FABP7: variants seen among roughly 807,000 people sequenced by gnomAD.
FABP7 encodes fatty acid-binding protein, brain.
A neutral mutation model predicts 14.2 loss-of-function variants in FABP7; 13 were observed. That is an observed-to-expected ratio of 0.91 (90% CI 0.59 to 1.45). The LOEUF is 1.45. Ranked by LOEUF, FABP7 falls within the 40% of genes most tolerant of loss-of-function variation. The probability of loss-of-function intolerance (pLI) is 0.00; values close to 1 mark genes in which losing one functional copy is unlikely to be tolerated. For synonymous variants in FABP7, 49 were observed against 51.4 expected (o/e 0.95, Z 0.20); for missense variants, 149 against 157.6 (o/e 0.95, Z 0.29).
chr6:122,776,046 T>G (rs1029722485), upstream of FABP7, among the ~76,000 whole-genome samples: 1 of 151,834 alleles, frequency 6.6e-6, no homozygotes, highest in Non-Finnish European at 1.5e-5. Flanking sequence ...AGTAAGAATG[T>G]TGATAAAGGG....
chr6:122,752,384 T>C, the FABP7 span, among the ~76,000 whole-genome samples: 1 of 152,194 alleles, frequency 6.6e-6, no homozygotes, highest in East Asian at 1.9e-4. Context: ...ATGGGTAATA[T>C]TTCCTAACCC....
chr6:122,749,590 G>A, the FABP7 span, among the ~76,000 whole-genome samples: 1 of 152,062 alleles, frequency 6.6e-6, no homozygotes, highest in African/African-American at 2.4e-5. Flanking sequence ...CCAAGATCCA[G>A]GGAATCACTT....
Position 122,780,312 on chromosome 6 carries a change from AG to A in FABP7, c.97del (p.Val33TrpfsTer4). On this transcript the variant is annotated frameshift_variant, in exon 2 of 4. Coordinates refer to ENST00000368444, the MANE Select transcript of FABP7 (RefSeq NM_001446.5). LOFTEE classifies it high-confidence loss of function. Reference protein sequence around the residue: ...KALGVGFATRQVGNVTKPTVI... With the variant: ...KALGVGFATRXVGNVTKPTVI... ...TTAGGCGTGGGCTTTGCCACTAGGCAGGTGGGAAATGTGACCAAACCAACGG... is the reference window on the plus strand; with the variant it reads ...TTAGGCGTGGGCTTTGCCACTAGGCAGTGGGAAATGTGACCAAACCAACGG... 1 of 1,614,168 alleles carries A rather than the reference AG, an allele frequency of 6.2e-7. No individual in the cohort carries two copies. Among genetic ancestry groups the A allele is most frequent in the East Asian group, 2.2e-5 (1 of 44,876 alleles).
chr6:122,757,615 T>C, the FABP7 span, among the ~76,000 whole-genome samples: 1 of 152,032 alleles, frequency 6.6e-6, no homozygotes, highest in Admixed American at 6.6e-5. Flanking sequence ...TTTCTGCTAC[T>C]AGATACACAT....
chr6:122,750,763 A>G, the FABP7 span, among the ~76,000 whole-genome samples: 3 of 152,228 alleles, frequency 2.0e-5, no homozygotes, highest in African/African-American at 4.8e-5. Context: ...GGTGTTGATA[A>G]AAGCAGACTT....
chr6:122,764,712 C>A, the FABP7 span, among the ~76,000 whole-genome samples: 1 of 152,128 alleles, frequency 6.6e-6, no homozygotes, highest in Non-Finnish European at 1.5e-5. Flanking sequence ...ATCTTCCCTG[C>A]CCACATGCAA....
the FABP7 span, among the ~76,000 whole-genome samples, chr6:122,761,304 G>C: frequency 1.3e-5 from 2 of 152,080 alleles, no homozygotes; most frequent in African/African-American, 4.8e-5. Context: ...AAGAACTCTA[G>C]GACATTAGAC....
At chr6:122,758,955 T>C in the FABP7 span, among the ~76,000 whole-genome samples, 5 of 152,186 alleles carry the variant, frequency 3.3e-5, no homozygotes, top group Non-Finnish European at 5.9e-5. Context: ...AATCTTATAG[T>C]GGAAAATGGT....
the FABP7 span, among the ~76,000 whole-genome samples, chr6:122,758,327 T>C: frequency 6.6e-6 from 1 of 152,120 alleles, no homozygotes; most frequent in Non-Finnish European, 1.5e-5. Flanking sequence ...AGGCTGCTCT[T>C]AAACTCCTGA....
chr6:122,781,428 G>A, intron 3 of FABP7: 4 of 1,406,128 alleles, frequency 2.8e-6, no homozygotes, highest in Non-Finnish European at 3.7e-6. Context: ...AAAAATTCAT[G>A]TGTAGTTAAA....
the FABP7 span, among the ~76,000 whole-genome samples, chr6:122,762,205 C>T: frequency 6.6e-6 from 1 of 152,150 alleles, no homozygotes; most frequent in Middle Eastern, 3.2e-3. Flanking sequence ...ATCAAGTGGG[C>T]TTCATCCCTG....
At chr6:122,762,068 C>G in the FABP7 span, among the ~76,000 whole-genome samples, 24 of 152,162 alleles carry the variant, frequency 1.6e-4, no homozygotes, top group Non-Finnish European at 3.4e-4. Context: ...GATACCAAAG[C>G]TTGGCAGAGA....
chr6:122,760,088 G>A, the FABP7 span, among the ~76,000 whole-genome samples: 41 of 149,450 alleles, frequency 2.7e-4, 1 homozygote, highest in Middle Eastern at 0.018. Context: ...GCGACAGAGC[G>A]AGACTCTGAT....
the FABP7 span, among the ~76,000 whole-genome samples, chr6:122,766,982 G>C: frequency 6.6e-6 from 1 of 151,792 alleles, no homozygotes; most frequent in African/African-American, 2.4e-5. Context: ...CAAACTAATA[G>C]AAAATTAAAG....
At chr6:122,756,374 C>T in the FABP7 span, among the ~76,000 whole-genome samples, 2 of 152,168 alleles carry the variant, frequency 1.3e-5, no homozygotes, top group African/African-American at 2.4e-5. Context: ...TGCTGAAATA[C>T]CTTCCCCTCT....
intron 2 of FABP7, among the ~76,000 whole-genome samples, chr6:122,780,842 C>A (rs1049663666): frequency 2.0e-5 from 3 of 152,184 alleles, no homozygotes; most frequent in Non-Finnish European, 4.4e-5. Context: ...GGACGACTAG[C>A]TGCAAAGCAC....
chr6:122,781,899 C>T lies in FABP7; in HGVS notation c.348+705C>T, dbSNP rs762557429. ...TGGGACCACAGGTGCAAGCCACCAA[C>T]GCCGGGCTAATTTTTTTGTATTTTT... On this transcript the variant is annotated intron_variant, in intron 3 of 3. Coordinates refer to ENST00000368444, the MANE Select transcript of FABP7 (RefSeq NM_001446.5). 321 of 399,806 alleles carry T rather than the reference C, an allele frequency of 8.0e-4. 2 individuals are homozygous for T. Among genetic ancestry groups the T allele is most frequent in the Non-Finnish European group, 9.1e-4 (268 of 295,402 alleles). The allele number at this position is 399,806 out of a possible 1,614,324, so 24.8% of individuals were successfully genotyped here.
At chr6:122,751,935 T>C in the FABP7 span, among the ~76,000 whole-genome samples, 59 of 152,116 alleles carry the variant, frequency 3.9e-4, no homozygotes, top group Non-Finnish European at 5.6e-4. Context: ...ACAGATCTTA[T>C]AAAACCTGAG....
the FABP7 span, among the ~76,000 whole-genome samples, chr6:122,751,231 A>G: frequency 6.6e-6 from 1 of 152,224 alleles, no homozygotes; most frequent in African/African-American, 2.4e-5. Flanking sequence ...TGAGTACTAT[A>G]GTGGTATTTA....
Sources: allele counts gnomAD v4.1 joint callset (sites outside exome capture counted in the v4.1 genomes callset), GRCh38; gene constraint gnomAD v4.1.1; transcripts MANE v1.5; gene names NCBI Gene and HGNC (gene_info 2026-07-23, HGNC 2026-07-21).